RASA3: variants seen among roughly 807,000 people sequenced by gnomAD.
The protein encoded by RASA3 is ras GTPase-activating protein 3.
Under a neutral mutation model 110.0 loss-of-function variants are expected in RASA3, and 73 were observed. That is an observed-to-expected ratio of 0.66 (90% CI 0.55 to 0.81). RASA3 has a LOEUF of 0.81. Among genes scored for constraint, RASA3 ranks in the 30% least tolerant of loss-of-function variants. The pLI is 0.00. For synonymous variants in RASA3, 500 were observed against 451.4 expected (o/e 1.11, Z -1.37); for missense variants, 976 against 1,113.2 (o/e 0.88, Z 1.75).
At chr13:114,009,861 A>G (rs1031465494) in intron 16 of RASA3, among the ~76,000 whole-genome samples, 1 of 152,206 alleles carries the variant, frequency 6.6e-6, no homozygotes, top group African/African-American at 2.4e-5. Flanking sequence ...CCCGTGGGGC[A>G]TAAGGGCCGC....
chr13:114,027,673 T>C (rs372104171), intron 6 of RASA3, among the ~76,000 whole-genome samples, 174 bp downstream of exon 6: 15 of 152,314 alleles, frequency 9.8e-5, no homozygotes, highest in South Asian at 4.1e-4. Flanking sequence ...AGGCTTCATT[T>C]TCTACAAAGC....
chr13:114,099,344 C>T (rs936846110), intron 1 of RASA3, among the ~76,000 whole-genome samples: 2 of 151,984 alleles, frequency 1.3e-5, no homozygotes, highest in Non-Finnish European at 2.9e-5. Context: ...GGGGCTGCAG[C>T]CACTCCCAGG....
chr13:114,097,426 G>T (rs1003111383), intron 1 of RASA3, among the ~76,000 whole-genome samples: 1 of 152,232 alleles, frequency 6.6e-6, no homozygotes, highest in South Asian at 2.1e-4. Context: ...TCAGGGCAAT[G>T]GTCCAAAAGA....
rs984642950 is a variant in RASA3, at chr13:114,014,528, G to T, written c.1405+681C>A. 6.6e-6 allele frequency among the ~76,000 whole-genome samples: 1 copy of T among 152,156 alleles called. No homozygotes were observed. The highest frequency in any genetic ancestry group is 2.4e-5 in the African/African-American group (1 of 41,448). On this transcript the variant is annotated intron_variant, in intron 14 of 23. Transcript: ENST00000334062. This position sits in a 1 kb window ranked among gnomAD's most constrained non-coding sequence, Gnocchi z 4.5. ...AAGGAAGAGAGGAGCCGGCAGCAAG[G>T]CCCTCGCTGAGCCTCTCAGCGCCCC...
chr13:114,043,251 G>A (rs1002500562), intron 3 of RASA3, among the ~76,000 whole-genome samples: 1 of 152,176 alleles, frequency 6.6e-6, no homozygotes, highest in African/African-American at 2.4e-5. Context: ...AGGTGCGGAA[G>A]GTGGAAAGAG....
chr13:114,052,009 G>A (rs1216922633), intron 3 of RASA3, 43 bp downstream of exon 3: 1 of 1,446,056 alleles, frequency 6.9e-7, no homozygotes, highest in Non-Finnish European at 9.7e-7. Context: ...GCCTGGTACA[G>A]AACAGGCAGA....
intron 3 of RASA3, among the ~76,000 whole-genome samples, chr13:114,044,844 T>G (rs1025884543): frequency 1.3e-5 from 2 of 152,238 alleles, no homozygotes; most frequent in Admixed American, 6.5e-5. Context: ...TCACTGTGTC[T>G]TCACATTTTT....
Position 114,013,268 on chromosome 13 carries a change from G to C in RASA3, c.1406-20C>G. 8 of 1,594,014 alleles carry C rather than the reference G, an allele frequency of 5.0e-6. No homozygotes were observed. Among genetic ancestry groups the C allele is most frequent in the Non-Finnish European group, 6.9e-6 (8 of 1,167,772 alleles). ...GGTCATCTGCGGGAGAGAGAAGCAG[G>C]GTGACCGTTTTCCTCGGGCACAATG... is the stretch of plus-strand genomic sequence containing the variant. On this transcript the variant is annotated intron_variant, in intron 14 of 23. Coordinates refer to ENST00000334062, the MANE Select transcript of RASA3 (RefSeq NM_007368.4).
At chr13:114,004,626 A>C (rs2053474420) in intron 18 of RASA3, among the ~76,000 whole-genome samples, 2 of 152,208 alleles carry the variant, frequency 1.3e-5, no homozygotes, top group Admixed American at 1.3e-4. Flanking sequence ...GGATCAAATA[A>C]AACACGGAAA....
At chr13:114,000,195 T>C (rs978727430) in intron 19 of RASA3, among the ~76,000 whole-genome samples, 1 of 149,978 alleles carries the variant, frequency 6.7e-6, no homozygotes, top group Non-Finnish European at 1.5e-5. Flanking sequence ...GGGTCTCTGC[T>C]GGGGTGCCCT....
chr13:114,004,932 T>A (rs571980704), intron 18 of RASA3, among the ~76,000 whole-genome samples: 1 of 152,348 alleles, frequency 6.6e-6, no homozygotes, highest in East Asian at 1.9e-4. Context: ...GACATGCTAC[T>A]CCACCATCAA....
intron 20 of RASA3, among the ~76,000 whole-genome samples, chr13:113,998,058 C>T (rs967581237): frequency 5.9e-5 from 9 of 152,318 alleles, no homozygotes; most frequent in South Asian, 4.1e-4. Flanking sequence ...TCAGGGGAAT[C>T]GGGCTCTGAG....
At position 114,063,152 on chromosome 13, in the gene RASA3, G is replaced by A. The variant is rs991646587; in HGVS notation, c.173+10568C>T. On this transcript the variant is annotated intron_variant, in intron 2 of 23. Coordinates refer to ENST00000334062, the MANE Select transcript of RASA3 (RefSeq NM_007368.4). The stretch of plus-strand genomic sequence containing the variant: ...ACATTTCAAAATGGGTGAATTGTAC[G>A]GTGCTTGAATTATACCTCAATAAAG... Among the ~76,000 whole-genome samples, 4 of 152,030 alleles carry A rather than the reference G, an allele frequency of 2.6e-5. No homozygotes were observed. The East Asian group carries it at 5.8e-4, about 22-fold the overall frequency.
chr13:114,115,705 A>G lies in RASA3; in HGVS notation c.55+16730T>C, dbSNP rs768703102. Among the ~76,000 whole-genome samples, 2 of 152,070 alleles carry G rather than the reference A, an allele frequency of 1.3e-5. No individual in the cohort carries two copies. The highest frequency in any genetic ancestry group is 2.9e-5 in the Non-Finnish European group (2 of 68,012). ...TACAAACGCTCTCTAACCGGTCCAG[A>G]GGTCAGAAACAGCCGCAGTCTCCTA... is the stretch of plus-strand genomic sequence containing the variant. On this transcript the variant is annotated intron_variant, in intron 1 of 23. Coordinates refer to ENST00000334062, the MANE Select transcript of RASA3 (RefSeq NM_007368.4). The surrounding 1 kb of genome is among the most constrained non-coding windows in gnomAD (Gnocchi z 5.0).
At chr13:114,052,685 AGGCCCCCGCTGCT>A (rs2079165228) in intron 2 of RASA3, among the ~76,000 whole-genome samples, 52 of 151,576 alleles carry the variant, frequency 3.4e-4, no homozygotes, top group African/African-American at 1.1e-3. Flanking sequence ...CCTGGGGGAG[AGGCCCCCGCTGCT>A]GACTGTGCTT....
intron 2 of RASA3, among the ~76,000 whole-genome samples, chr13:114,055,381 G>A (rs1354799764): frequency 2.0e-5 from 3 of 152,352 alleles, no homozygotes; most frequent in South Asian, 4.1e-4. Context: ...ACAGCTGCAG[G>A]ATCTCGGGGC....
intron 7 of RASA3, among the ~76,000 whole-genome samples, chr13:114,026,395 C>T (rs544449218): frequency 2.6e-5 from 4 of 152,348 alleles, no homozygotes; most frequent in East Asian, 1.9e-4. Flanking sequence ...CCATCTTCTC[C>T]GCCTGTCTAT....
rs371331622 is a variant in RASA3 at position 114,018,095 on chromosome 13, G to T, written c.1091+9C>A. ...GGCCGCTCTCCCCCGGGGCAGGGTG[G>T]GCACTCACTGGGTCCGCTTCACCTC... is the stretch of plus-strand genomic sequence containing the variant. On this transcript the variant is annotated intron_variant, in intron 11 of 23. Coordinates refer to ENST00000334062, the MANE Select transcript of RASA3 (RefSeq NM_007368.4). 1.1e-5 allele frequency: 16 copies of T among 1,522,750 alleles called. No individual in the cohort carries two copies. Among genetic ancestry groups the T allele is most frequent in the Non-Finnish European group, 1.4e-5 (16 of 1,129,544 alleles). The allele number at this position is 1,522,750 out of a possible 1,614,324, so 94.3% of individuals were successfully genotyped here.
rs530651934 is a variant in RASA3, at chr13:113,997,330, C to G, written c.1933-591G>C. On this transcript the variant is annotated intron_variant, in intron 20 of 23. Coordinates refer to ENST00000334062, the MANE Select transcript of RASA3 (RefSeq NM_007368.4). ...TGAGCACCAGCACTCTCCTATGTCC[C>G]GGAGACAAAGCCTGGCATAGAGTTT... is the stretch of plus-strand genomic sequence containing the variant. Among the ~76,000 whole-genome samples the G allele has an allele frequency of 5.3e-5, 8 of 152,296 alleles. No individual in the cohort carries two copies. In the East Asian group the frequency reaches 1.2e-3, roughly 22 times the overall value.
Sources: allele counts gnomAD v4.1 joint callset (sites outside exome capture counted in the v4.1 genomes callset), GRCh38; gene constraint gnomAD v4.1.1; non-coding constraint Gnocchi (gnomAD v3.1); transcripts MANE v1.5; gene names NCBI Gene and HGNC (gene_info 2026-07-23, HGNC 2026-07-21).